Variants in MED21 observed in about 807,000 individuals in gnomAD.
MED21 encodes the protein mediator complex subunit 21.
Under a neutral mutation model 18.2 loss-of-function variants are expected in MED21, and 9 were observed. The observed-to-expected ratio is 0.49, with a 90% CI of 0.30 to 0.86. The LOEUF is 0.86. MED21 is among the 40% of genes least tolerant of loss of function. The pLI, the probability that MED21 is intolerant of heterozygous loss-of-function variation, is 0.07. For missense variants in MED21, 150 were observed against 170.9 expected (o/e 0.88, Z 0.68); for synonymous variants, 73 against 60.5 (o/e 1.21, Z -0.96).
rs112338881 is a variant in MED21, at chr12:27,026,634, AATT to A, written c.157+104_157+106del. 5,959 of 830,528 alleles carry A rather than the reference AATT, an allele frequency of 7.2e-3. 138 individuals carry two copies. Among genetic ancestry groups the A allele is most frequent in the African/African-American group, 0.068 (3,905 of 57,442 alleles). The allele number at this position is 830,528 out of a possible 1,614,324, so 51.4% of individuals were successfully genotyped here. A position where few individuals can be genotyped will look rare whatever the true frequency, so the allele number is the denominator to read the frequency against. On this transcript the variant is annotated intron_variant, in intron 2 of 3. Transcript: ENST00000282892. ...GAAATTCAGCTTATTTTATTTCTAA[AATT>A]ATTGTTGTTTGAGAATATTACAAGT...
In MED21 at chr12:27,029,304, G is replaced by T. The variant is rs138346674; in HGVS notation, c.*843G>T. On this transcript the variant is annotated 3_prime_UTR_variant, in exon 4 of 4. Transcript: ENST00000282892. The stretch of plus-strand genomic sequence containing the variant: ...ACCAGAACATACTTCCACTACATCA[G>T]TTACTTGGCATCATTTCACCTCAGT... The T allele has an allele frequency of 3.0e-6, 3 of 985,278 alleles. No individual in the cohort carries two copies. In the African/African-American group the frequency reaches 5.2e-5, roughly 17 times the overall value. The allele number at this position is 985,278 out of a possible 1,614,324, so 61.0% of individuals were successfully genotyped here.
At chr12:27,034,439 A>G (rs910744361), downstream of MED21, among the ~76,000 whole-genome samples, 1 of 152,142 alleles carries the variant, frequency 6.6e-6, no homozygotes, top group Non-Finnish European at 1.5e-5. Context: ...AAAGTTTAAT[A>G]CATAATTTAA....
At chr12:27,032,367 T>C (rs568465107), downstream of MED21, among the ~76,000 whole-genome samples, 72 of 152,316 alleles carry the variant, frequency 4.7e-4, no homozygotes, top group African/African-American at 1.7e-3. Flanking sequence ...GTTGGCTTGA[T>C]GATGCATTGT....
Position 27,028,507 on chromosome 12 carries a change from A to C in MED21, c.*46A>C. ...CTGAGAAAAGAACTGTTTGAGTGCC[A>C]TTAAGAATTCTGCATCAGACTTAGA... On this transcript the variant is annotated 3_prime_UTR_variant, in exon 4 of 4. Coordinates refer to ENST00000282892, the MANE Select transcript of MED21 (RefSeq NM_004264.5). The C allele has an allele frequency of 1.3e-6, 2 of 1,573,114 alleles. No homozygotes were observed. The highest frequency in any genetic ancestry group is 1.7e-6 in the Non-Finnish European group (2 of 1,154,846).
At chr12:27,037,089 A>G (rs1378347011) in intron 2 of MED21, 2 of 151,994 alleles carry the variant, frequency 1.3e-5, no homozygotes, top group Admixed American at 6.5e-5. Context: ...ATGTTCTTCC[A>G]TTTGTTTGTA....
At position 27,030,365 on chromosome 12, in the gene MED21, C is replaced by A; in HGVS notation, c.*1904C>A. 1 of 431,406 alleles carries A rather than the reference C, an allele frequency of 2.3e-6. No individual in the cohort carries two copies. The highest frequency in any genetic ancestry group is 4.1e-6 in the Non-Finnish European group (1 of 242,850). The allele number at this position is 431,406 out of a possible 1,614,324, so 26.7% of individuals were successfully genotyped here. On this transcript the variant is annotated 3_prime_UTR_variant, in exon 4 of 4. Transcript: ENST00000282892. ...GCCCAGGCTAATGCCAAACTGCTAA[C>A]CTCAAGATATTAATACTATACAGTA...
intron 1 of MED21, among the ~76,000 whole-genome samples, chr12:27,026,125 T>C (rs1028835400): frequency 6.6e-6 from 1 of 152,240 alleles, no homozygotes; most frequent in Admixed American, 6.5e-5. Flanking sequence ...AATATTCTCT[T>C]ATCATTTTAC....
At chr12:27,025,731 T>C (rs563003207) in intron 1 of MED21, among the ~76,000 whole-genome samples, 7 of 152,278 alleles carry the variant, frequency 4.6e-5, no homozygotes, top group East Asian at 1.9e-4. Flanking sequence ...GAAATACTTA[T>C]TAGAAATAGG....
At chr12:27,037,281 C>T (rs917073136) in intron 2 of MED21, 1 of 151,754 alleles carries the variant, frequency 6.6e-6, no homozygotes, top group East Asian at 1.9e-4. Context: ...GATTTTTGTA[C>T]ATTGATTTTG....
At chr12:27,037,040 A>G (rs1941653986) in intron 2 of MED21, 1 of 152,048 alleles carries the variant, frequency 6.6e-6, no homozygotes, top group Non-Finnish European at 1.5e-5. Flanking sequence ...CAGTATGGCC[A>G]TTTTCACAAT....
chr12:27,038,301 A>G (rs1003547980), intron 2 of MED21: 2 of 152,192 alleles, frequency 1.3e-5, no homozygotes, highest in East Asian at 3.8e-4. Context: ...TTTCAGTGAC[A>G]TTAAATAATA....
At chr12:27,023,196 C>T (rs1322424250) in intron 1 of MED21, among the ~76,000 whole-genome samples, 1 of 151,934 alleles carries the variant, frequency 6.6e-6, no homozygotes, top group Admixed American at 6.6e-5. Context: ...CCATCTCTTG[C>T]CTCTTGGCCA....
Position 27,026,617 on chromosome 12 carries a change from G to T in MED21, c.157+83G>T, listed in dbSNP as rs1941548155. The T allele has an allele frequency of 3.3e-6, 3 of 915,766 alleles. No individual in the cohort carries two copies. The Admixed American group carries it at 7.3e-5, about 22-fold the overall frequency. The allele number at this position is 915,766 out of a possible 1,614,324, so 56.7% of individuals were successfully genotyped here. ...AAAATTAGATTTCTTGAGAAATTCA[G>T]CTTATTTTATTTCTAAAATTATTGT... On this transcript the variant is annotated intron_variant, in intron 2 of 3. Coordinates refer to ENST00000282892, the MANE Select transcript of MED21 (RefSeq NM_004264.5).
In MED21 at chr12:27,027,454, C is replaced by G. The variant is rs1941561099; in HGVS notation, c.258+7C>G. ...ATCTACAGCTGCTTTACAGGTAAGCCTCTATTCCTTTGAGAATTTTACCAG... is the reference window on the plus strand; with the variant it reads ...ATCTACAGCTGCTTTACAGGTAAGCGTCTATTCCTTTGAGAATTTTACCAG... On this transcript the variant is annotated splice_region_variant and intron_variant, in intron 3 of 3. Transcript: ENST00000282892. The G allele has an allele frequency of 6.3e-7, 1 of 1,593,650 alleles. No individual in the cohort carries two copies. The highest frequency in any genetic ancestry group is 1.3e-5 in the African/African-American group (1 of 74,096).
At chr12:27,026,987 G>C (rs1241786772) in intron 2 of MED21, among the ~76,000 whole-genome samples, 1 of 152,056 alleles carries the variant, frequency 6.6e-6, no homozygotes, top group Non-Finnish European at 1.5e-5. Flanking sequence ...GGAGTGCAGT[G>C]ATGCAATCTT....
Position 27,029,298 on chromosome 12 carries a change from A to G in MED21, c.*837A>G. 1 of 985,386 alleles carries G rather than the reference A, an allele frequency of 1.0e-6. No individual in the cohort carries two copies. Among genetic ancestry groups the G allele is most frequent in the South Asian group, 4.7e-5 (1 of 21,288 alleles). 61.0% of individuals were successfully genotyped at this position (985,386 alleles called of 1,614,324 possible). A position where few individuals can be genotyped will look rare whatever the true frequency, so the allele number is the denominator to read the frequency against. On this transcript the variant is annotated 3_prime_UTR_variant, in exon 4 of 4. Transcript: ENST00000282892. ...AGTCAGACCAGAACATACTTCCACT[A>G]CATCAGTTACTTGGCATCATTTCAC...
rs756871552 is a variant in MED21 at position 27,028,408 on chromosome 12, T to C, written c.382T>C (p.Ser128Pro). 2 of 1,614,020 alleles carry C rather than the reference T, an allele frequency of 1.2e-6. No individual in the cohort carries two copies. The highest frequency in any genetic ancestry group is 3.3e-5 in the Admixed American group (2 of 60,008). The part of the protein sequence containing the change: ...IQSALADIAQ[S>P]QLKTRSGTHS... ...AAGCGCACTTGCTGATATTGCACAG[T>C]CACAGCTGAAGACAAGAAGTGGTAC... The change falls in exon 4 of 4, where the codon TCA (serine) becomes CCA (proline). Residue 128 changes from serine (S) to proline (P), a missense_variant. Physicochemically the swap from Ser to Pro is moderately conservative, Grantham distance 74. Transcript: ENST00000282892.
intron 2 of MED21, among the ~76,000 whole-genome samples, chr12:27,036,115 C>T (rs1356392472): frequency 2.6e-5 from 4 of 152,150 alleles, no homozygotes; most frequent in African/African-American, 4.8e-5. Context: ...TTCCTGACTT[C>T]TTAATGATTG....
In MED21 at chr12:27,028,298, A is replaced by G. The variant is rs746207032; in HGVS notation, c.272A>G (p.Tyr91Cys). 5 of 1,613,628 alleles carry G rather than the reference A, an allele frequency of 3.1e-6. No individual in the cohort carries two copies. Among genetic ancestry groups the G allele is most frequent in the East Asian group, 2.2e-5 (1 of 44,874 alleles). Reference sequence around the variant, plus strand: ...TGTCTTATAAAGGCTGCTAGCTTGTATAAGCTAGAAGAAGAAAACCATGAA... The same window carrying G: ...TGTCTTATAAAGGCTGCTAGCTTGTGTAAGCTAGAAGAAGAAAACCATGAA... ...STAALQAASL[Y>C]KLEEENHEAA... The change falls in exon 4 of 4, where the codon TAT becomes TGT. Residue 91 changes from tyrosine (Y) to cysteine (C), a missense_variant. Coordinates refer to ENST00000282892, the MANE Select transcript of MED21 (RefSeq NM_004264.5).
Sources: gnomAD v4.1 joint callset for allele counts (sites outside exome capture counted in the v4.1 genomes callset) on GRCh38, gnomAD v4.1.1 for gene constraint, MANE v1.5 for transcripts, NCBI Gene and HGNC (gene_info 2026-07-23, HGNC 2026-07-21) for gene names.